Variants in MAPK14 observed in about 807,000 individuals in gnomAD.
MAPK14 encodes CSAID-binding protein.
MAPK14 carries 16 observed loss-of-function variants against 49.6 expected under a neutral mutation model. That is an observed-to-expected ratio of 0.32 (90% CI 0.22 to 0.49). The LOEUF (loss-of-function observed/expected upper bound fraction) is 0.49, where lower values mean the gene tolerates loss of function less well. Ranked by LOEUF, MAPK14 falls within the 20% of genes least tolerant of loss-of-function variation. The probability of loss-of-function intolerance (pLI) is 0.99; values close to 1 mark genes in which losing one functional copy is unlikely to be tolerated. For missense variants in MAPK14, 200 were observed against 441.2 expected (o/e 0.45, Z 4.90); for synonymous variants, 142 against 158.0 (o/e 0.90, Z 0.76).
chr6:36,047,336 A>T (rs1763219486), intron 1 of MAPK14, among the ~76,000 whole-genome samples: 1 of 152,198 alleles, frequency 6.6e-6, no homozygotes, highest in Non-Finnish European at 1.5e-5. Flanking sequence ...AGGAACCAGG[A>T]GCAGCCTGTC....
At chr6:36,045,193 T>C (rs1028699104) in intron 1 of MAPK14, among the ~76,000 whole-genome samples, 1 of 151,682 alleles carries the variant, frequency 6.6e-6, no homozygotes, top group African/African-American at 2.4e-5. Context: ...AATAATGAAC[T>C]GTATTTTGGC....
intron 3 of MAPK14, among the ~76,000 whole-genome samples, chr6:36,062,297 A>G (rs973114642): frequency 1.3e-5 from 2 of 152,116 alleles, no homozygotes; most frequent in Admixed American, 1.3e-4. Flanking sequence ...TTCTAAAGTT[A>G]TTTTGGGATA....
chr6:36,098,976 C>T (rs1012892126), intron 9 of MAPK14, among the ~76,000 whole-genome samples: 2 of 152,176 alleles, frequency 1.3e-5, no homozygotes, highest in Non-Finnish European at 2.9e-5. Flanking sequence ...ATTTACTGGC[C>T]TCTGTCTTTG....
chr6:36,101,950 A>T (rs972372204), intron 9 of MAPK14, among the ~76,000 whole-genome samples: 18 of 152,252 alleles, frequency 1.2e-4, no homozygotes, highest in Non-Finnish European at 1.5e-5. Flanking sequence ...TGAAGGTGAT[A>T]GTGGGATAGC....
At chr6:36,087,111 A>C (rs1343293909) in intron 8 of MAPK14, among the ~76,000 whole-genome samples, 1 of 152,170 alleles carries the variant, frequency 6.6e-6, no homozygotes, top group Non-Finnish European at 1.5e-5. Context: ...CATGTTAAAA[A>C]CTCTCAGTAA....
chr6:36,050,234 G>C (rs1435815910), intron 1 of MAPK14, among the ~76,000 whole-genome samples: 1 of 152,156 alleles, frequency 6.6e-6, no homozygotes, highest in Non-Finnish European at 1.5e-5. Flanking sequence ...CAGACAGACA[G>C]AGAGAGAGAA....
chr6:36,073,077 A>G, intron 4 of MAPK14, 93 bp downstream of exon 4: 2 of 801,904 alleles, frequency 2.5e-6, no homozygotes, highest in Non-Finnish European at 4.2e-6. Flanking sequence ...AACTTTTCTA[A>G]TGGAAAATTC....
At chr6:36,079,110 C>A (rs549350642) in intron 8 of MAPK14, among the ~76,000 whole-genome samples, 1 of 152,298 alleles carries the variant, frequency 6.6e-6, no homozygotes, top group East Asian at 1.9e-4. Flanking sequence ...AATCTCTATT[C>A]ATTTTTTTTG....
chr6:36,097,449 A>T (rs1177737338), intron 9 of MAPK14: 1 of 152,228 alleles, frequency 6.6e-6, no homozygotes, highest in African/African-American at 2.4e-5. Context: ...TGAATCAAAG[A>T]TATCAGATGA....
At chr6:36,076,061 T>G in intron 7 of MAPK14, 99 bp downstream of exon 7, 1 of 1,230,980 alleles carries the variant, frequency 8.1e-7, no homozygotes, top group Non-Finnish European at 1.2e-6. Context: ...AAGAAATGTC[T>G]TTTCTTCCCT....
intron 1 of MAPK14, among the ~76,000 whole-genome samples, chr6:36,029,885 T>C (rs1020553032): frequency 1.7e-5 from 2 of 118,946 alleles, no homozygotes; most frequent in African/African-American, 7.7e-5. Flanking sequence ...ATTCAGTATA[T>C]ACATATTATA....
At chr6:36,094,755 T>G (rs1765380846) in intron 8 of MAPK14, among the ~76,000 whole-genome samples, 1 of 152,168 alleles carries the variant, frequency 6.6e-6, no homozygotes, top group Admixed American at 6.5e-5. Flanking sequence ...CCTGTCCTCG[T>G]AGAGCTGTAG....
At chr6:36,114,448 C>A (rs1766025291), downstream of MAPK14, among the ~76,000 whole-genome samples, 1 of 152,048 alleles carries the variant, frequency 6.6e-6, no homozygotes, top group Admixed American at 6.5e-5. Context: ...AAAACCCTGT[C>A]TCTACTAAAA....
chr6:36,039,330 C>T (rs1762868211), intron 1 of MAPK14, among the ~76,000 whole-genome samples: 1 of 152,166 alleles, frequency 6.6e-6, no homozygotes, highest in South Asian at 2.1e-4. Flanking sequence ...TTTGTCTAGA[C>T]CTGCTGTCTG....
At chr6:36,029,933 A>G (rs975574472) in intron 1 of MAPK14, among the ~76,000 whole-genome samples, 1 of 119,180 alleles carries the variant, frequency 8.4e-6, no homozygotes, top group African/African-American at 3.9e-5. Flanking sequence ...TTATATAGGT[A>G]TATACATTCA....
intron 1 of MAPK14, among the ~76,000 whole-genome samples, chr6:36,051,410 G>A (rs965819251): frequency 6.6e-5 from 10 of 152,072 alleles, no homozygotes; most frequent in African/African-American, 2.4e-4. Flanking sequence ...GCCTGGCGAC[G>A]ATTTCTAAAA....
At chr6:36,062,384 C>A (rs1283311658) in intron 3 of MAPK14, among the ~76,000 whole-genome samples, 1 of 152,214 alleles carries the variant, frequency 6.6e-6, no homozygotes, top group East Asian at 1.9e-4. Context: ...ACACAAAGAA[C>A]ATAAATGAGG....
chr6:36,070,575 C>T (rs1010350700), intron 3 of MAPK14, among the ~76,000 whole-genome samples: 5 of 152,174 alleles, frequency 3.3e-5, no homozygotes, highest in African/African-American at 1.2e-4. Flanking sequence ...TAAAACGTTT[C>T]AGTCTCATTT....
intron 3 of MAPK14, among the ~76,000 whole-genome samples, chr6:36,059,730 C>T (rs1265091296): frequency 6.6e-6 from 1 of 152,084 alleles, no homozygotes; most frequent in Non-Finnish European, 1.5e-5. Context: ...ATTGCCCAGG[C>T]TGGACTCAAG....
Sources: allele counts gnomAD v4.1 joint callset (sites outside exome capture counted in the v4.1 genomes callset), GRCh38; gene constraint gnomAD v4.1.1; transcripts MANE v1.5; gene names NCBI Gene and HGNC (gene_info 2026-07-23, HGNC 2026-07-21).